GNAL: variants seen among roughly 807,000 people sequenced by gnomAD.
GNAL encodes the protein guanine nucleotide-binding protein G(olf) subunit alpha.
Under a neutral mutation model 55.1 loss-of-function variants are expected in GNAL, and 18 were observed. The observed-to-expected ratio is 0.33, with a 90% CI of 0.23 to 0.48. GNAL has a LOEUF of 0.48. GNAL is among the 20% of genes least tolerant of loss of function. GNAL has a pLI of 0.99. For synonymous variants in GNAL, 253 were observed against 237.0 expected (o/e 1.07, Z -0.62); for missense variants, 412 against 614.1 (o/e 0.67, Z 3.48).
Position 11,868,481 on chromosome 18 carries a change from T to C in GNAL, c.911-62T>C, listed in dbSNP as rs1387739941. ...AACTGAGTAGCTGCTGGGTGTGTAC[T>C]TTCTTGTAACTCCACAGTGAGGATG... On this transcript the variant is annotated intron_variant, in intron 8 of 11. Coordinates refer to ENST00000334049, the MANE Select transcript of GNAL (RefSeq NM_182978.4). The surrounding 1 kb of genome is among the most constrained non-coding windows in gnomAD (Gnocchi z 4.0). 1.4e-6 allele frequency: 2 copies of C among 1,463,694 alleles called. No individual in the cohort carries two copies. Among genetic ancestry groups the C allele is most frequent in the East Asian group, 4.6e-5 (2 of 43,836 alleles). The allele number at this position is 1,463,694 out of a possible 1,614,324, so 90.7% of individuals were successfully genotyped here.
At chr18:11,768,902 A>T (rs2033504037) in intron 4 of GNAL, among the ~76,000 whole-genome samples, 1 of 130,444 alleles carries the variant, frequency 7.7e-6, no homozygotes, top group African/African-American at 3.2e-5. Flanking sequence ...TCAAAAAAAA[A>T]AAAAAATATA....
rs564279873 is a variant in GNAL, at chr18:11,773,426, T to C, written c.624+19481T>C. On this transcript the variant is annotated intron_variant, in intron 4 of 11. Transcript: ENST00000334049. Reference sequence around the variant, plus strand: ...TCCCCACGGTAGGCTTGATATTGTTTCTTAAGGCTCTTTTTTGAAAAGAGA... The same window carrying C: ...TCCCCACGGTAGGCTTGATATTGTTCCTTAAGGCTCTTTTTTGAAAAGAGA... 6.6e-5 allele frequency among the ~76,000 whole-genome samples: 10 copies of C among 152,282 alleles called. No individual in the cohort carries two copies. The South Asian group carries it at 2.1e-3, about 32-fold the overall frequency.
intron 1 of GNAL, among the ~76,000 whole-genome samples, chr18:11,699,396 G>A (rs2031503677): frequency 6.6e-6 from 1 of 151,442 alleles, no homozygotes; most frequent in Non-Finnish European, 1.5e-5. Flanking sequence ...TGTATTTTTA[G>A]TAGAGACAGG....
At chr18:11,718,305 G>A (rs766835824) in intron 1 of GNAL, among the ~76,000 whole-genome samples, 5 of 151,916 alleles carry the variant, frequency 3.3e-5, no homozygotes, top group Non-Finnish European at 4.4e-5. Context: ...AAAAATGACC[G>A]GCATTTATCG....
At chr18:11,829,558 G>A (rs1441810657) in intron 5 of GNAL, among the ~76,000 whole-genome samples, 1 of 152,130 alleles carries the variant, frequency 6.6e-6, no homozygotes, top group Admixed American at 6.5e-5. Flanking sequence ...TCAAAATCAG[G>A]CCAGTAACAG....
At chr18:11,828,661 TA>T (rs112211966) in intron 5 of GNAL, among the ~76,000 whole-genome samples, 3,735 of 146,234 alleles carry the variant, frequency 0.026, 68 homozygotes, top group South Asian at 0.054. Context: ...TTTTCTGTTG[TA>T]AAAAAAAAAA....
rs547787089 is a variant in GNAL, at chr18:11,751,316, C to T, written c.377-1537C>T. On this transcript the variant is annotated intron_variant, in intron 1 of 11. Transcript: ENST00000334049. This position sits in a 1 kb window ranked among gnomAD's most constrained non-coding sequence, Gnocchi z 4.5. ...AGTAACGGAGGGCAGGTGCCAGTCT[C>T]GCGCCCTAGTTCGTTCCTCTGCTAC... Among the ~76,000 whole-genome samples, 2 of 152,234 alleles carry T rather than the reference C, an allele frequency of 1.3e-5. No homozygotes were observed. Among genetic ancestry groups the T allele is most frequent in the South Asian group, 4.1e-4 (2 of 4,824 alleles).
chr18:11,862,993 C>T (rs2036182612), intron 6 of GNAL, among the ~76,000 whole-genome samples: 1 of 151,838 alleles, frequency 6.6e-6, no homozygotes, highest in African/African-American at 2.4e-5. Context: ...ATTCTCCTGC[C>T]TCAGCCTTCC....
At chr18:11,786,917 G>C (rs934321100) in intron 4 of GNAL, among the ~76,000 whole-genome samples, 1 of 152,038 alleles carries the variant, frequency 6.6e-6, no homozygotes, top group African/African-American at 2.4e-5. Context: ...GGCCCTGGGA[G>C]GTGGAGGGTG....
intron 1 of GNAL, among the ~76,000 whole-genome samples, chr18:11,706,213 C>T (rs2031707473): frequency 6.6e-6 from 1 of 151,060 alleles, no homozygotes; most frequent in South Asian, 2.1e-4. Context: ...TTCCAAACCA[C>T]CCCAATAAAG....
chr18:11,835,467 G>GA (rs539787769), intron 5 of GNAL, among the ~76,000 whole-genome samples: 56 of 136,246 alleles, frequency 4.1e-4, no homozygotes, highest in African/African-American at 8.7e-4. Context: ...TCTCTAAAAA[G>GA]AAAAAAAAAA....
At chr18:11,873,109 G>A (rs559914088) in intron 10 of GNAL, among the ~76,000 whole-genome samples, 1 of 152,306 alleles carries the variant, frequency 6.6e-6, no homozygotes, top group South Asian at 2.1e-4. Context: ...GTGAACACCA[G>A]GTCTACCAGA....
At chr18:11,723,161 G>A (rs1266885564) in intron 1 of GNAL, among the ~76,000 whole-genome samples, 1 of 152,204 alleles carries the variant, frequency 6.6e-6, no homozygotes, top group African/African-American at 2.4e-5. Context: ...TCCAGCCTGG[G>A]TGACAGAGTG....
intron 1 of GNAL, among the ~76,000 whole-genome samples, chr18:11,690,155 A>G (rs911774910): frequency 1.2e-4 from 18 of 152,216 alleles, no homozygotes; most frequent in African/African-American, 2.9e-4. Context: ...CCGGGAGGAC[A>G]CTACGGGCTG....
In GNAL at chr18:11,796,589, A is replaced by AAAAC. The variant is rs1555651477; in HGVS notation, c.625-28326_625-28325insCAAA. 1.0e-3 allele frequency among the ~76,000 whole-genome samples: 151 copies of AAAAC among 147,100 alleles called. 2 individuals are homozygous for AAAAC. The highest frequency in any genetic ancestry group is 3.6e-3 in the South Asian group (17 of 4,722). On this transcript the variant is annotated intron_variant, in intron 4 of 11. Transcript: ENST00000334049. ...ACTCCTTCTCACAAAAAAAAAAAAA[A>AAAAC]AAAAAACAAAACACGCAACCTTTCC...
At chr18:11,849,745 G>T (rs775391107) in intron 5 of GNAL, among the ~76,000 whole-genome samples, 2 of 152,068 alleles carry the variant, frequency 1.3e-5, no homozygotes, top group African/African-American at 2.4e-5. Flanking sequence ...TGGAAAAAGG[G>T]TTCTACTGCT....
At chr18:11,815,329 G>A (rs2034927290) in intron 4 of GNAL, among the ~76,000 whole-genome samples, 1 of 146,748 alleles carries the variant, frequency 6.8e-6, no homozygotes, top group South Asian at 2.2e-4. Flanking sequence ...CTGAGACTGT[G>A]TAATTTATGA....
chr18:11,856,559 T>C lies in GNAL; in HGVS notation c.723-5836T>C, dbSNP rs1459355621. Among the ~76,000 whole-genome samples the C allele has an allele frequency of 1.3e-5, 2 of 151,456 alleles. 1 individual carries two copies. The highest frequency in any genetic ancestry group is 4.9e-5 in the African/African-American group (2 of 40,714). On this transcript the variant is annotated intron_variant, in intron 5 of 11. Transcript: ENST00000334049. ...TTGTCCACAATGAAATGTTTGCCTCTGTTCTTCAGGGTTTGTACATCCTCT... is the reference window on the plus strand; with the variant it reads ...TTGTCCACAATGAAATGTTTGCCTCCGTTCTTCAGGGTTTGTACATCCTCT...
chr18:11,767,341 C>T (rs1193367087), intron 4 of GNAL, among the ~76,000 whole-genome samples: 1 of 151,662 alleles, frequency 6.6e-6, no homozygotes, highest in African/African-American at 2.4e-5. Context: ...CTGTGTGCAC[C>T]CTTATGCTTA....
Sources: gnomAD v4.1 joint callset for allele counts (sites outside exome capture counted in the v4.1 genomes callset) on GRCh38, gnomAD v4.1.1 for gene constraint, Gnocchi (gnomAD v3.1) non-coding constraint, MANE v1.5 for transcripts, NCBI Gene and HGNC (gene_info 2026-07-23, HGNC 2026-07-21) for gene names.